Variants in KIAA0825 observed in about 807,000 individuals in gnomAD.
KIAA0825 encodes the protein uncharacterized protein KIAA0825.
A neutral mutation model predicts 147.6 loss-of-function variants in KIAA0825; 119 were observed. That is an observed-to-expected ratio of 0.81 (90% CI 0.69 to 0.94). KIAA0825 has a LOEUF of 0.94. KIAA0825 is among the 40% of genes least tolerant of loss of function. The pLI is 0.00. For synonymous variants in KIAA0825, 470 were observed against 518.1 expected (o/e 0.91, Z 1.26); for missense variants, 1,381 against 1,472.7 (o/e 0.94, Z 1.02).
chr5:94,445,869 G>T (rs751098933), intron 13 of KIAA0825, among the ~76,000 whole-genome samples: 20 of 152,140 alleles, frequency 1.3e-4, no homozygotes, highest in Non-Finnish European at 2.5e-4. Flanking sequence ...AGCCATTTAA[G>T]ATCTCTGGTG....
chr5:94,196,821 G>C (rs542950772), intron 20 of KIAA0825, among the ~76,000 whole-genome samples: 11 of 152,254 alleles, frequency 7.2e-5, no homozygotes, highest in Non-Finnish European at 1.6e-4. Context: ...CAGCTATGTA[G>C]TATTCCATAG....
chr5:94,306,170 C>T (rs1269882565), intron 20 of KIAA0825, among the ~76,000 whole-genome samples: 1 of 151,530 alleles, frequency 6.6e-6, no homozygotes, highest in East Asian at 1.9e-4. Flanking sequence ...CATATGTCGA[C>T]TCATATTTAG....
At chr5:94,288,735 T>A (rs1307382431) in intron 20 of KIAA0825, among the ~76,000 whole-genome samples, 1 of 152,170 alleles carries the variant, frequency 6.6e-6, no homozygotes, top group East Asian at 1.9e-4. Context: ...AAAAACAGCT[T>A]TAAACACCCT....
intron 10 of KIAA0825, among the ~76,000 whole-genome samples, chr5:94,469,319 C>T (rs1023010603): frequency 6.6e-6 from 1 of 151,936 alleles, no homozygotes; most frequent in Admixed American, 6.6e-5. Flanking sequence ...TACAGGCATG[C>T]ACCACCACAC....
intron 20 of KIAA0825, among the ~76,000 whole-genome samples, chr5:94,246,730 T>A (rs1371148463): frequency 6.6e-6 from 1 of 152,140 alleles, no homozygotes; most frequent in African/African-American, 2.4e-5. Flanking sequence ...TTGATATTTT[T>A]ATATCTGAAT....
intron 20 of KIAA0825, among the ~76,000 whole-genome samples, chr5:94,191,054 A>G (rs1770636196): frequency 6.6e-6 from 1 of 152,160 alleles, no homozygotes. Flanking sequence ...CTTTGACATT[A>G]TGTTACAAAG....
chr5:94,311,599 C>G (rs10043743), intron 20 of KIAA0825, among the ~76,000 whole-genome samples: 2 of 151,540 alleles, frequency 1.3e-5, no homozygotes, highest in African/African-American at 4.8e-5. Context: ...AGATCAAAAG[C>G]TTTTCACTGT....
chr5:94,219,645 TA>T (rs1403855407), intron 20 of KIAA0825, among the ~76,000 whole-genome samples: 1 of 152,172 alleles, frequency 6.6e-6, no homozygotes, highest in Non-Finnish European at 1.5e-5. Flanking sequence ...GTATTGCTCC[TA>T]GGCTACAAAC....
intron 20 of KIAA0825, among the ~76,000 whole-genome samples, chr5:94,157,869 A>G (rs1288978758): frequency 6.6e-6 from 1 of 152,116 alleles, no homozygotes; most frequent in Non-Finnish European, 1.5e-5. Flanking sequence ...CATGAGGTAT[A>G]TCCTTGGTAG....
chr5:94,612,747 C>CACTGTCACACAACTGTG lies in KIAA0825; in HGVS notation c.-153+5736_-153+5752dup, dbSNP rs539339929. Among the ~76,000 whole-genome samples the CACTGTCACACAACTGTG allele has an allele frequency of 5.3e-4, 81 of 152,346 alleles. 1 individual carries two copies. The highest frequency in any genetic ancestry group is 2.0e-3 in the Admixed American group (30 of 15,304). On this transcript the variant is annotated intron_variant, in intron 1 of 20. Transcript: ENST00000682413. ...TGAAACAGTGGAAAAGTAACTTTCA[C>CACTGTCACACAACTGTG]ACTGTCACACAACTGTGACTGTCAC...
intron 20 of KIAA0825, among the ~76,000 whole-genome samples, chr5:94,366,210 C>T (rs1450456157): frequency 6.6e-6 from 1 of 152,216 alleles, no homozygotes; most frequent in Non-Finnish European, 1.5e-5. Flanking sequence ...GTGTGAATTA[C>T]TCTTTCTCTA....
At chr5:94,558,531 C>T (rs1229124853) in intron 2 of KIAA0825, among the ~76,000 whole-genome samples, 3 of 152,142 alleles carry the variant, frequency 2.0e-5, no homozygotes, top group Non-Finnish European at 4.4e-5. Context: ...CCAACACTTA[C>T]ATTTTTTTCC....
At chr5:94,362,011 C>T (rs746656938) in intron 20 of KIAA0825, among the ~76,000 whole-genome samples, 52 of 152,158 alleles carry the variant, frequency 3.4e-4, no homozygotes, top group Non-Finnish European at 6.5e-4. Flanking sequence ...TCTTACTTGA[C>T]CAAGGCCAGT....
intron 20 of KIAA0825, among the ~76,000 whole-genome samples, chr5:94,358,084 T>C (rs1744546458): frequency 6.6e-6 from 1 of 152,248 alleles, no homozygotes; most frequent in Non-Finnish European, 1.5e-5. Flanking sequence ...GATCGTCATT[T>C]AGTTTTTATT....
At chr5:94,472,776 C>G (rs1761388087) in intron 8 of KIAA0825, among the ~76,000 whole-genome samples, 1 of 151,954 alleles carries the variant, frequency 6.6e-6, no homozygotes, top group Non-Finnish European at 1.5e-5. Context: ...AAAAGAATAT[C>G]CCAATCATAG....
chr5:94,456,839 A>C (rs1310215089), intron 12 of KIAA0825, among the ~76,000 whole-genome samples: 2 of 152,178 alleles, frequency 1.3e-5, no homozygotes, highest in Non-Finnish European at 2.9e-5. Flanking sequence ...ACTAACATGA[A>C]ATTCCTGATA....
Position 94,396,413 on chromosome 5 carries a change from A to T in KIAA0825, c.2984T>A (p.Phe995Tyr). The T allele has an allele frequency of 6.4e-7, 1 of 1,550,684 alleles. No individual in the cohort carries two copies. The highest frequency in any genetic ancestry group is 1.2e-5 in the South Asian group (1 of 83,794). ...TTTTGACATTTTTCTCTCAGACAGA[A>T]AAAAGAAGTATTTAACTGGGGGAGG... ...CLPPPVKYFF[F>Y]LSERKMSKKF... The change falls in exon 17 of 21, where the codon TTT (phenylalanine) becomes TAT (tyrosine). Residue 995 changes from phenylalanine to tyrosine, a missense_variant. Phe to Tyr is a conservative substitution (Grantham distance 22, BLOSUM62 3). Transcript: ENST00000682413.
At chr5:94,587,734 C>T (rs1161930492) in intron 1 of KIAA0825, among the ~76,000 whole-genome samples, 1 of 152,106 alleles carries the variant, frequency 6.6e-6, no homozygotes, top group East Asian at 1.9e-4. Flanking sequence ...GCCCACATAG[C>T]CAAGACAATC....
chr5:94,491,553 G>GTAGT (rs879801309), intron 5 of KIAA0825, among the ~76,000 whole-genome samples: 14 of 152,158 alleles, frequency 9.2e-5, no homozygotes, highest in Admixed American at 3.3e-4. Context: ...AGTTTGTAAA[G>GTAGT]GGCCTTCTGT....
Sources: gnomAD v4.1 joint callset for allele counts (sites outside exome capture counted in the v4.1 genomes callset) on GRCh38, gnomAD v4.1.1 for gene constraint, MANE v1.5 for transcripts, NCBI Gene and HGNC (gene_info 2026-07-23, HGNC 2026-07-21) for gene names.